The following EGFR variants were observed in gnomAD, a reference collection of about 807,000 sequenced individuals.
EGFR encodes avian erythroblastic leukemia viral (v-erb-b) oncogene homolog.
Under a neutral mutation model 143.0 loss-of-function variants are expected in EGFR, and 58 were observed. That is an observed-to-expected ratio of 0.41 (90% CI 0.33 to 0.50). The LOEUF (loss-of-function observed/expected upper bound fraction) is 0.50. EGFR is among the 20% of genes least tolerant of loss of function. The pLI is 0.39. For synonymous variants in EGFR, 613 were observed against 594.4 expected (o/e 1.03, Z -0.45); for missense variants, 1,307 against 1,579.0 (o/e 0.83, Z 2.92).
rs1488769073 is a variant in EGFR at position 55,019,331 on chromosome 7, C to G, written c.54C>G (p.Leu18=). Residue 18 remains leucine (L), a synonymous_variant, in exon 1 of 28, where the codon CTC becomes CTG. Coordinates refer to ENST00000275493, the MANE Select transcript of EGFR (RefSeq NM_005228.5). The stretch of plus-strand genomic sequence containing the variant: ...CGCTCCTGGCGCTGCTGGCTGCGCT[C>G]TGCCCGGCGAGTCGGGCTCTGGAGG... ...GAALLALLAA[L]CPASRALEEK... is the part of the protein sequence containing the mutation. 5 of 1,521,750 alleles carry G rather than the reference C, an allele frequency of 3.3e-6. No individual in the cohort carries two copies. Among genetic ancestry groups the G allele is most frequent in the South Asian group, 1.2e-5 (1 of 84,122 alleles). The allele number at this position is 1,521,750 out of a possible 1,614,324, so 94.3% of individuals were successfully genotyped here. A position where few individuals can be genotyped will look rare whatever the true frequency, so the allele number is the denominator to read the frequency against.
intron 13 of EGFR, among the ~76,000 whole-genome samples, chr7:55,163,324 A>C (rs1052001680): frequency 6.6e-6 from 1 of 152,158 alleles, no homozygotes; most frequent in Admixed American, 6.5e-5. Context: ...TTTAGTAATA[A>C]CCATTGAGCG....
chr7:55,062,080 G>A (rs891626739), intron 1 of EGFR, among the ~76,000 whole-genome samples: 9 of 152,184 alleles, frequency 5.9e-5, no homozygotes, highest in Non-Finnish European at 8.8e-5. Flanking sequence ...AGAGGAACTC[G>A]ATCCCCAGGA....
intron 1 of EGFR, among the ~76,000 whole-genome samples, chr7:55,111,126 C>T (rs1238754937): frequency 6.6e-6 from 1 of 152,202 alleles, no homozygotes; most frequent in East Asian, 1.9e-4. Context: ...TCCCAAGAAA[C>T]CCTGCCAGCT....
intron 20 of EGFR, among the ~76,000 whole-genome samples, chr7:55,186,967 G>A (rs150641642): frequency 2.0e-5 from 3 of 152,318 alleles, no homozygotes; most frequent in South Asian, 2.1e-4. Context: ...CTCCAGAGCC[G>A]TGAGTCCTGC....
At chr7:55,123,505 T>C (rs562964371) in intron 1 of EGFR, among the ~76,000 whole-genome samples, 38 of 152,276 alleles carry the variant, frequency 2.5e-4, no homozygotes, top group African/African-American at 8.4e-4. Context: ...TGGTGTAGCA[T>C]CTGTAGGAAA....
intron 24 of EGFR, chr7:55,200,903 A>G (rs1482137943): frequency 1.3e-5 from 7 of 538,192 alleles, no homozygotes; most frequent in Non-Finnish European, 6.7e-6. Context: ...CAAGGTGCAC[A>G]CTCGATGAAT....
chr7:55,061,023 C>T (rs1789134026), intron 1 of EGFR, among the ~76,000 whole-genome samples: 1 of 152,226 alleles, frequency 6.6e-6, no homozygotes, highest in Non-Finnish European at 1.5e-5. Flanking sequence ...TTGGGAGATG[C>T]TCCTCATCTG....
intron 2 of EGFR, 131 bp downstream of exon 2, chr7:55,142,568 G>A (rs962118034): frequency 3.9e-5 from 47 of 1,200,238 alleles, no homozygotes; most frequent in Non-Finnish European, 4.7e-5. Flanking sequence ...AGCTACAAAC[G>A]AGAGTTTTAT....
chr7:55,097,198 C>G (rs920573336), intron 1 of EGFR, among the ~76,000 whole-genome samples: 5 of 152,112 alleles, frequency 3.3e-5, no homozygotes, highest in African/African-American at 4.8e-5. Flanking sequence ...CACAAGCACC[C>G]CCAGGTGATT....
chr7:55,123,729 G>T (rs748469105), intron 1 of EGFR, among the ~76,000 whole-genome samples: 1 of 152,040 alleles, frequency 6.6e-6, no homozygotes, highest in Admixed American at 6.6e-5. Flanking sequence ...GAGGGGGAAA[G>T]CCTAGAAGAG....
chr7:55,187,584 C>G lies in EGFR; in HGVS notation c.2470-4135C>G, dbSNP rs1050839554. Among the ~76,000 whole-genome samples, 8 of 152,342 alleles carry G rather than the reference C, an allele frequency of 5.3e-5. No individual in the cohort carries two copies. The East Asian group carries it at 1.5e-3, about 29-fold the overall frequency. The stretch of plus-strand genomic sequence containing the variant: ...GACACTTTCCTGCCTCTTCCGAGGT[C>G]TAGCACTTACTCTATGCCTGCCTGG... On this transcript the variant is annotated intron_variant, in intron 20 of 27. Coordinates refer to ENST00000275493, the MANE Select transcript of EGFR (RefSeq NM_005228.5).
intron 1 of EGFR, among the ~76,000 whole-genome samples, chr7:55,024,061 A>G (rs1786741874): frequency 6.6e-6 from 1 of 152,188 alleles, no homozygotes; most frequent in Non-Finnish European, 1.5e-5. Flanking sequence ...TCACTTTTTC[A>G]GAGTCATCTG....
At chr7:55,095,489 C>G (rs942329146) in intron 1 of EGFR, among the ~76,000 whole-genome samples, 2 of 152,218 alleles carry the variant, frequency 1.3e-5, no homozygotes, top group Non-Finnish European at 2.9e-5. Flanking sequence ...AGTCCTGGTT[C>G]AACACACAGC....
Position 55,205,870 on chromosome 7 carries a change from G to A in EGFR, c.*253G>A. 12 of 507,238 alleles carry A rather than the reference G, an allele frequency of 2.4e-5. No individual in the cohort carries two copies. Among genetic ancestry groups the A allele is most frequent in the South Asian group, 5.5e-5 (2 of 36,216 alleles). The allele number at this position is 507,238 out of a possible 1,614,324, so 31.4% of individuals were successfully genotyped here. A position where few individuals can be genotyped will look rare whatever the true frequency, so the allele number is the denominator to read the frequency against. On this transcript the variant is annotated 3_prime_UTR_variant, in exon 28 of 28. Transcript: ENST00000275493. Reference sequence around the variant, plus strand: ...AGCAAGAATATTGTCCCTTTGAGCAGAAATTTATCTTTCAAAGAGGTATAT... The same window carrying A: ...AGCAAGAATATTGTCCCTTTGAGCAAAAATTTATCTTTCAAAGAGGTATAT...
intron 1 of EGFR, among the ~76,000 whole-genome samples, chr7:55,046,602 A>G (rs972690626): frequency 3.3e-5 from 5 of 152,068 alleles, no homozygotes; most frequent in Admixed American, 2.0e-4. Flanking sequence ...AAAAAAAAAA[A>G]ACAGCATTCT....
intron 1 of EGFR, among the ~76,000 whole-genome samples, chr7:55,094,262 T>C (rs190790321): frequency 1.7e-3 from 255 of 152,312 alleles, no homozygotes; most frequent in Non-Finnish European, 3.1e-3. Flanking sequence ...CTGGGAGAGA[T>C]AGCTCTTGGT....
chr7:55,169,676 C>T (rs865899299), intron 15 of EGFR, among the ~76,000 whole-genome samples: 4 of 152,158 alleles, frequency 2.6e-5, no homozygotes, highest in East Asian at 1.9e-4. Context: ...GCAGAGTTAC[C>T]GAGGGCCTCA....
At chr7:55,022,052 GA>G (rs1786599220) in intron 1 of EGFR, among the ~76,000 whole-genome samples, 2 of 152,152 alleles carry the variant, frequency 1.3e-5, no homozygotes, top group Non-Finnish European at 2.9e-5. Context: ...GGCTCATGAC[GA>G]TGAGCCTGTC....
rs61541412 is a variant in EGFR at position 55,196,178 on chromosome 7, A to ATTTTTTTTTTTTTTTTTTTTT, written c.2702-2524_2702-2523insTTTTTTTTTTTTTTTTTTTTT. ...CACAACCTCACCAGCATGTGTTGGG[A>ATTTTTTTTTTTTTTTTTTTTT]TTTTTTTTTTTTTTTACTTTTCAAT... On this transcript the variant is annotated intron_variant, in intron 22 of 27. Coordinates refer to ENST00000275493, the MANE Select transcript of EGFR (RefSeq NM_005228.5). Among the ~76,000 whole-genome samples, 179 of 88,080 alleles carry ATTTTTTTTTTTTTTTTTTTTT rather than the reference A, an allele frequency of 2.0e-3. 6 individuals carry two copies. Among genetic ancestry groups the ATTTTTTTTTTTTTTTTTTTTT allele is most frequent in the African/African-American group, 4.6e-3 (94 of 20,336 alleles). 57.8% of individuals were successfully genotyped at this position (88,080 alleles called of 152,430 possible).
Sources: allele counts gnomAD v4.1 joint callset (sites outside exome capture counted in the v4.1 genomes callset), GRCh38; gene constraint gnomAD v4.1.1; transcripts MANE v1.5; gene names NCBI Gene and HGNC (gene_info 2026-07-23, HGNC 2026-07-21).